Variants in MRPL1 observed in about 807,000 individuals in gnomAD.
MRPL1 encodes large ribosomal subunit protein uL1m.
Under a neutral mutation model 38.0 loss-of-function variants are expected in MRPL1, and 28 were observed. That is an observed-to-expected ratio of 0.74 (90% CI 0.55 to 1.01). MRPL1 has a LOEUF of 1.01. MRPL1 is among the 50% of genes least tolerant of loss of function. The pLI, the probability that MRPL1 is intolerant of heterozygous loss-of-function variation, is 0.00. For missense variants in MRPL1, 358 were observed against 389.8 expected, an observed-to-expected ratio of 0.92 and a Z score of 0.69; for synonymous variants, 123 against 126.7, an observed-to-expected ratio of 0.97 and a Z score of 0.20.
rs1013050629 is a variant in MRPL1 at position 77,946,159 on chromosome 4, C to G, written c.778-3638C>G. On this transcript the variant is annotated intron_variant, in intron 7 of 8. Coordinates refer to ENST00000315567, the MANE Select transcript of MRPL1 (RefSeq NM_020236.4). ...GTTTATAGACCTCCCCCCAGGAATG[C>G]AATTCTTTTCCTAGGGTCTTAATAT... Among the ~76,000 whole-genome samples the G allele has an allele frequency of 3.3e-5, 5 of 152,036 alleles. No individual in the cohort carries two copies. The East Asian group carries it at 9.6e-4, about 29-fold the overall frequency.
At chr4:77,925,989 C>T (rs895090912) in intron 7 of MRPL1, among the ~76,000 whole-genome samples, 2 of 152,122 alleles carry the variant, frequency 1.3e-5, no homozygotes, top group African/African-American at 4.8e-5. Context: ...GTGGTTTGAA[C>T]ACCACAGTGG....
At chr4:77,902,377 C>T (rs1045112491) in intron 6 of MRPL1, among the ~76,000 whole-genome samples, 2 of 130,662 alleles carry the variant, frequency 1.5e-5, no homozygotes, top group Admixed American at 8.0e-5. Flanking sequence ...ATAGTGAGAC[C>T]GGCTTTCTAA....
chr4:77,887,401 T>C (rs1735705997), intron 5 of MRPL1, 110 bp downstream of exon 5: 1 of 931,406 alleles, frequency 1.1e-6, no homozygotes, highest in Non-Finnish European at 1.7e-6. Flanking sequence ...GATAAATAGT[T>C]AATAGGTCTT....
chr4:77,913,813 C>T (rs1682412415), intron 7 of MRPL1, among the ~76,000 whole-genome samples: 2 of 152,140 alleles, frequency 1.3e-5, no homozygotes, highest in African/African-American at 2.4e-5. Context: ...TTCTACCATA[C>T]TGATGGATTT....
At chr4:77,894,604 G>A (rs1163400921) in intron 6 of MRPL1, among the ~76,000 whole-genome samples, 1 of 152,008 alleles carries the variant, frequency 6.6e-6, no homozygotes, top group Non-Finnish European at 1.5e-5. Flanking sequence ...TTATTTAAAA[G>A]TGTTCAACAT....
chr4:77,934,969 T>C (rs1334233434), intron 7 of MRPL1, among the ~76,000 whole-genome samples: 2 of 152,170 alleles, frequency 1.3e-5, no homozygotes, highest in South Asian at 2.1e-4. Flanking sequence ...AAGGTACCTA[T>C]AACAGTGAAA....
At chr4:77,866,438 G>A (rs914369801) in intron 1 of MRPL1, among the ~76,000 whole-genome samples, 8 of 152,142 alleles carry the variant, frequency 5.3e-5, no homozygotes, top group African/African-American at 1.9e-4. Context: ...CTTATATATT[G>A]TAGTTATTAG....
intron 6 of MRPL1, among the ~76,000 whole-genome samples, chr4:77,908,095 G>C (rs934737487): frequency 2.6e-5 from 4 of 151,304 alleles, no homozygotes; most frequent in African/African-American, 9.7e-5. Flanking sequence ...GTAACCATTT[G>C]TGTAATAATG....
chr4:77,921,391 T>G (rs1019451995), intron 7 of MRPL1, among the ~76,000 whole-genome samples: 1 of 152,158 alleles, frequency 6.6e-6, no homozygotes, highest in African/African-American at 2.4e-5. Flanking sequence ...GAAAGGTTGG[T>G]CAGGGAAGGC....
chr4:77,899,351 G>GC (rs1038875232), intron 6 of MRPL1, among the ~76,000 whole-genome samples: 17 of 151,830 alleles, frequency 1.1e-4, no homozygotes, highest in South Asian at 4.2e-4. Flanking sequence ...CAAATCACGA[G>GC]CCCCCCCGCA....
chr4:77,908,887 G>T (rs1736222800), intron 6 of MRPL1, among the ~76,000 whole-genome samples: 2 of 152,202 alleles, frequency 1.3e-5, no homozygotes, highest in African/African-American at 4.8e-5. Flanking sequence ...TGGACACAGG[G>T]CTTCAGTTTC....
At chr4:77,925,033 A>G (rs1278321950) in intron 7 of MRPL1, among the ~76,000 whole-genome samples, 2 of 152,180 alleles carry the variant, frequency 1.3e-5, no homozygotes, top group South Asian at 2.1e-4. Flanking sequence ...TATACTACTC[A>G]TCACCTAGAT....
At position 77,923,298 on chromosome 4, in the gene MRPL1, G is replaced by C. The variant is rs1392449800; in HGVS notation, c.777+13926G>C. ...TTTAGTAGAGACAGGGTTTCACCATGTTGGCCAGGCTGGACTTGAACTCCT... is the reference window on the plus strand; with the variant it reads ...TTTAGTAGAGACAGGGTTTCACCATCTTGGCCAGGCTGGACTTGAACTCCT... On this transcript the variant is annotated intron_variant, in intron 7 of 8. Transcript: ENST00000315567. 2.6e-5 allele frequency among the ~76,000 whole-genome samples: 4 copies of C among 152,100 alleles called. No homozygotes were observed. The East Asian group carries it at 7.8e-4, about 30-fold the overall frequency.
intron 7 of MRPL1, among the ~76,000 whole-genome samples, chr4:77,925,040 A>G (rs966765074): frequency 6.6e-6 from 1 of 152,182 alleles, no homozygotes; most frequent in Non-Finnish European, 1.5e-5. Context: ...CTCATCACCT[A>G]GATTTACCAA....
At chr4:77,943,245 C>T (rs547366480) in intron 7 of MRPL1, among the ~76,000 whole-genome samples, 1 of 152,102 alleles carries the variant, frequency 6.6e-6, no homozygotes, top group African/African-American at 2.4e-5. Context: ...GTGGAGAAAT[C>T]TGCTGTTAAT....
In MRPL1 at chr4:77,949,835, A is replaced by G. The variant is rs1737365813; in HGVS notation, c.816A>G (p.Gln272=). 1.2e-6 allele frequency: 2 copies of G among 1,611,702 alleles called. No homozygotes were observed. The highest frequency in any genetic ancestry group is 8.5e-7 in the Non-Finnish European group (1 of 1,178,790). The change falls in exon 8 of 9, where the codon CAA becomes CAG. Residue 272 remains glutamine, a synonymous_variant. Coordinates refer to ENST00000315567, the MANE Select transcript of MRPL1 (RefSeq NM_020236.4). ...MSSDQIAANL[Q]AVINEVCRHR... ...GTGACCAGATAGCTGCCAATCTGCAAGCAGTTATTAATGAAGTTTGTAGGC... is the reference window on the plus strand; with the variant it reads ...GTGACCAGATAGCTGCCAATCTGCAGGCAGTTATTAATGAAGTTTGTAGGC...
rs767381656 is a variant in MRPL1, at chr4:77,887,309, T to C, written c.558+18T>C. ...TACAGAAGGTACAGTGTTGTTTTCATGTTCATTAAGTATAGAGATGATTCT... is the reference window on the plus strand; with the variant it reads ...TACAGAAGGTACAGTGTTGTTTTCACGTTCATTAAGTATAGAGATGATTCT... On this transcript the variant is annotated intron_variant, in intron 5 of 8. Transcript: ENST00000315567. 77 of 1,587,334 alleles carry C rather than the reference T, an allele frequency of 4.9e-5. No individual in the cohort carries two copies. Among genetic ancestry groups the C allele is most frequent in the Non-Finnish European group, 6.4e-5 (74 of 1,155,592 alleles).
At chr4:77,882,440 G>A (rs1346885752) in intron 2 of MRPL1, among the ~76,000 whole-genome samples, 1 of 152,050 alleles carries the variant, frequency 6.6e-6, no homozygotes, top group African/African-American at 2.4e-5. Context: ...CATTTTCATT[G>A]CTTTCCCAGA....
intron 7 of MRPL1, among the ~76,000 whole-genome samples, chr4:77,921,114 A>T (rs1169789513): frequency 6.6e-6 from 1 of 152,194 alleles, no homozygotes; most frequent in East Asian, 1.9e-4. Flanking sequence ...AGTAAAAGTT[A>T]AAAAACTTTT....
Sources: allele counts gnomAD v4.1 joint callset (sites outside exome capture counted in the v4.1 genomes callset), GRCh38; gene constraint gnomAD v4.1.1; transcripts MANE v1.5; gene names NCBI Gene and HGNC (gene_info 2026-07-23, HGNC 2026-07-21).